Variants in MGRN1 observed in about 807,000 individuals in gnomAD.
MGRN1 encodes mahogunin ring finger 1, also known as E3 ubiquitin-protein ligase MGRN1.
In MGRN1, 29 loss-of-function variants were observed where a neutral mutation model predicts 69.2. That is an observed-to-expected ratio of 0.42 (90% CI 0.31 to 0.57). MGRN1 has a LOEUF of 0.57. Among genes scored for constraint, MGRN1 ranks in the 20% least tolerant of loss-of-function variants. The pLI is 0.15. For synonymous variants in MGRN1, 470 were observed against 344.2 expected, an observed-to-expected ratio of 1.37 and a Z score of -4.04; for missense variants, 998 against 796.2, an observed-to-expected ratio of 1.25 and a Z score of -3.05.
chr16:4,668,796 A>G lies in MGRN1; in HGVS notation c.726+484A>G, dbSNP rs144631093. 2.9e-3 allele frequency among the ~76,000 whole-genome samples: 445 copies of G among 152,172 alleles called. 10 individuals are homozygous for G. The East Asian group carries it at 0.053, about 18-fold the overall frequency. ...CATAGACATTCATACACATATACAC[A>G]TACACACACGTATACAGACACACAC... On this transcript the variant is annotated intron_variant, in intron 8 of 16. Coordinates refer to ENST00000262370, the MANE Select transcript of MGRN1 (RefSeq NM_015246.4).
At chr16:4,643,213 G>A (rs1269455400) in intron 1 of MGRN1, among the ~76,000 whole-genome samples, 1 of 151,844 alleles carries the variant, frequency 6.6e-6, no homozygotes, top group East Asian at 1.9e-4. Flanking sequence ...ACTCCTCTCG[G>A]CCTCCCAGAG....
chr16:4,679,277 C>T (rs1422791092), intron 11 of MGRN1, among the ~76,000 whole-genome samples: 3 of 152,174 alleles, frequency 2.0e-5, no homozygotes, highest in African/African-American at 7.2e-5. Flanking sequence ...TGTTTGTGTT[C>T]TGGTGGCTGA....
intron 1 of MGRN1, among the ~76,000 whole-genome samples, chr16:4,645,939 A>G (rs994347213): frequency 5.9e-5 from 9 of 152,216 alleles, no homozygotes; most frequent in Non-Finnish European, 1.0e-4. Flanking sequence ...CTGTGGTTGT[A>G]GAAATGAAAT....
chr16:4,639,160 G>A (rs551813817), intron 1 of MGRN1, among the ~76,000 whole-genome samples: 2 of 152,342 alleles, frequency 1.3e-5, no homozygotes, highest in Admixed American at 1.3e-4. Context: ...GGAGCGGGGA[G>A]GTCATGAGGA....
At chr16:4,650,329 A>AG (rs1464509006) in intron 1 of MGRN1, 36 bp from the exon 2 acceptor site, 1 of 1,549,198 alleles carries the variant, frequency 6.5e-7, no homozygotes, top group African/African-American at 1.4e-5. Context: ...AAAAAAAAAA[A>AG]AAAAAATCTA....
At chr16:4,655,857 T>G (rs1160158999) in intron 4 of MGRN1, among the ~76,000 whole-genome samples, 3 of 152,144 alleles carry the variant, frequency 2.0e-5, no homozygotes, top group African/African-American at 7.2e-5. Context: ...GACAGAGGGG[T>G]GTGTCCAGGC....
rs1596325347 is a variant in MGRN1, at chr16:4,688,997, G to A, written c.*89G>A. The A allele has an allele frequency of 1.4e-6, 2 of 1,445,398 alleles. No homozygotes were observed. The highest frequency in any genetic ancestry group is 1.4e-5 in the African/African-American group (1 of 70,550). The allele number at this position is 1,445,398 out of a possible 1,614,324, so 89.5% of individuals were successfully genotyped here. A position where few individuals can be genotyped will look rare whatever the true frequency, so the allele number is the denominator to read the frequency against. On this transcript the variant is annotated 3_prime_UTR_variant, in exon 17 of 17. Transcript: ENST00000262370. ...GGACCCCGTTGTGAGCCGGCCTCCTGTCTGCATGCCCCCTGTGGCCACCAG... is the reference window on the plus strand; with the variant it reads ...GGACCCCGTTGTGAGCCGGCCTCCTATCTGCATGCCCCCTGTGGCCACCAG...
chr16:4,668,459 A>T, intron 8 of MGRN1, 147 bp downstream of exon 8: 1 of 811,126 alleles, frequency 1.2e-6, no homozygotes, highest in African/African-American at 1.7e-5. Context: ...ATTCACTTGC[A>T]CATATATACG....
intron 5 of MGRN1, among the ~76,000 whole-genome samples, chr16:4,662,747 C>T (rs2078711016): frequency 6.6e-6 from 1 of 152,226 alleles, no homozygotes; most frequent in African/African-American, 2.4e-5. Flanking sequence ...GTGCCCCTGC[C>T]CTGCTTCCGC....
chr16:4,668,445 A>G, intron 8 of MGRN1, 133 bp downstream of exon 8: 3 of 900,702 alleles, frequency 3.3e-6, no homozygotes, highest in Middle Eastern at 2.2e-4. Context: ...ACACACTCAT[A>G]CACATTCACT....
chr16:4,683,048 C>A, intron 14 of MGRN1, 102 bp downstream of exon 14: 2 of 1,472,042 alleles, frequency 1.4e-6, no homozygotes, highest in Middle Eastern at 2.3e-4. Flanking sequence ...CCTGGGCGCC[C>A]CCGTGCTTGT....
Position 4,648,399 on chromosome 16 carries a change from C to T in MGRN1, c.89-1966C>T, listed in dbSNP as rs1406910102. Among the ~76,000 whole-genome samples the T allele has an allele frequency of 1.0e-4, 13 of 128,894 alleles. No individual in the cohort carries two copies. The East Asian group carries it at 1.7e-3, about 16-fold the overall frequency. 84.6% of individuals were successfully genotyped at this position (128,894 alleles called of 152,430 possible). A position where few individuals can be genotyped will look rare whatever the true frequency, so the allele number is the denominator to read the frequency against. ...CCCGGGGACTCTTCCCGTGGTCACCCGGGTCCTCCTCCCGGGGGCTCTTCC... is the reference window on the plus strand; with the variant it reads ...CCCGGGGACTCTTCCCGTGGTCACCTGGGTCCTCCTCCCGGGGGCTCTTCC... On this transcript the variant is annotated intron_variant, in intron 1 of 16. Coordinates refer to ENST00000262370, the MANE Select transcript of MGRN1 (RefSeq NM_015246.4).
At chr16:4,629,697 C>G (rs1897896240) in intron 1 of MGRN1, among the ~76,000 whole-genome samples, 1 of 151,040 alleles carries the variant, frequency 6.6e-6, no homozygotes, top group African/African-American at 2.4e-5. Flanking sequence ...CTAGATCGCG[C>G]CACTGCACTC....
chr16:4,676,513 G>C (rs1391767989), intron 10 of MGRN1, among the ~76,000 whole-genome samples: 1 of 152,172 alleles, frequency 6.6e-6, no homozygotes, highest in Non-Finnish European at 1.5e-5. Context: ...GTGTGGCTTT[G>C]AGCCTCAAGG....
intron 1 of MGRN1, among the ~76,000 whole-genome samples, chr16:4,628,247 G>A (rs569828661): frequency 1.5e-4 from 23 of 151,974 alleles, no homozygotes; most frequent in Non-Finnish European, 3.4e-4. Flanking sequence ...TTAGCCAGGT[G>A]TGGTGGCAGG....
chr16:4,657,095 C>A (rs1390272932), intron 4 of MGRN1, 151 bp from the exon 5 acceptor site: 2 of 704,536 alleles, frequency 2.8e-6, no homozygotes, highest in Admixed American at 4.5e-5. Flanking sequence ...GTGAGGGCCA[C>A]GTGGCCATGT....
chr16:4,684,146 T>C (rs2079253320), intron 16 of MGRN1, among the ~76,000 whole-genome samples: 1 of 152,240 alleles, frequency 6.6e-6, no homozygotes, highest in Admixed American at 6.5e-5. Flanking sequence ...GGCCTGGCTC[T>C]TGGGAGCGGA....
intron 9 of MGRN1, chr16:4,672,521 G>C (rs1170547245): frequency 2.2e-6 from 1 of 451,214 alleles, no homozygotes. Flanking sequence ...AGGGAAGTCA[G>C]TGCATTCATG....
chr16:4,636,452 C>T (rs1278366106), intron 1 of MGRN1, among the ~76,000 whole-genome samples: 8 of 151,994 alleles, frequency 5.3e-5, no homozygotes, highest in African/African-American at 1.7e-4. Context: ...GGACGGGCTC[C>T]GGGGGAGCTG....
Sources: allele counts gnomAD v4.1 joint callset (sites outside exome capture counted in the v4.1 genomes callset), GRCh38; gene constraint gnomAD v4.1.1; transcripts MANE v1.5; gene names NCBI Gene and HGNC (gene_info 2026-07-23, HGNC 2026-07-21).